MAGI3: variants seen among roughly 807,000 people sequenced by gnomAD.
MAGI3 encodes the protein membrane associated guanylate kinase, WW and PDZ domain containing 3.
MAGI3 carries 43 observed loss-of-function variants against 121.8 expected under a neutral mutation model. That is an observed-to-expected ratio of 0.35 (90% CI 0.28 to 0.46). The LOEUF is 0.46. Among genes scored for constraint, MAGI3 ranks in the 20% least tolerant of loss-of-function variants. The pLI is 1.00. For missense variants in MAGI3, 1,547 were observed against 1,797.3 expected (o/e 0.86, Z 2.52); for synonymous variants, 553 against 639.3 (o/e 0.86, Z 2.04).
At chr1:113,537,236 A>G (rs1324357399) in intron 1 of MAGI3, among the ~76,000 whole-genome samples, 3 of 152,136 alleles carry the variant, frequency 2.0e-5, no homozygotes, top group Admixed American at 6.5e-5. Context: ...CCGTTTCTCT[A>G]TGAATTTTTG....
chr1:113,664,658 C>T (rs1161464444), intron 16 of MAGI3, among the ~76,000 whole-genome samples: 1 of 152,222 alleles, frequency 6.6e-6, no homozygotes, highest in Non-Finnish European at 1.5e-5. Context: ...CATCCATCTA[C>T]TCCCACCAGC....
chr1:113,637,774 C>A (rs1438343672), intron 9 of MAGI3, among the ~76,000 whole-genome samples: 8 of 152,168 alleles, frequency 5.3e-5, no homozygotes, highest in Non-Finnish European at 7.3e-5. Context: ...TGAATGTTGG[C>A]CTGCCTTGCT....
At chr1:113,557,806 G>A (rs1004687231) in intron 2 of MAGI3, among the ~76,000 whole-genome samples, 5 of 152,128 alleles carry the variant, frequency 3.3e-5, no homozygotes, top group Admixed American at 2.0e-4. Flanking sequence ...AGGTACGTTC[G>A]GGCTGGCAGT....
At chr1:113,609,221 T>C (rs574230785) in intron 6 of MAGI3, among the ~76,000 whole-genome samples, 17 of 152,330 alleles carry the variant, frequency 1.1e-4, no homozygotes, top group African/African-American at 4.1e-4. Context: ...TTCATATTAG[T>C]ATTCTCTGCA....
intron 6 of MAGI3, among the ~76,000 whole-genome samples, chr1:113,596,249 C>T (rs1350506807): frequency 6.6e-6 from 1 of 152,120 alleles, no homozygotes; most frequent in Non-Finnish European, 1.5e-5. Context: ...AATCAATACA[C>T]ATGTATGTAG....
intron 9 of MAGI3, 151 bp downstream of exon 9, chr1:113,623,145 A>T (rs1650945175): frequency 3.7e-6 from 2 of 540,394 alleles, no homozygotes; most frequent in Non-Finnish European, 5.8e-6. Context: ...ACTTTAATTT[A>T]AAAAAAAGTT....
intron 2 of MAGI3, among the ~76,000 whole-genome samples, chr1:113,560,509 G>T (rs751986793): frequency 6.6e-6 from 1 of 152,190 alleles, no homozygotes; most frequent in Non-Finnish European, 1.5e-5. Flanking sequence ...ACCTGCTCTT[G>T]CATGATTCTT....
At chr1:113,518,121 T>C (rs1658014809) in intron 1 of MAGI3, among the ~76,000 whole-genome samples, 1 of 152,050 alleles carries the variant, frequency 6.6e-6, no homozygotes, top group Non-Finnish European at 1.5e-5. Flanking sequence ...ACCACTGACA[T>C]TGCTGACCTG....
intron 1 of MAGI3, among the ~76,000 whole-genome samples, chr1:113,399,734 C>G (rs1651302696): frequency 6.6e-6 from 1 of 151,718 alleles, no homozygotes; most frequent in Non-Finnish European, 1.5e-5. Flanking sequence ...AAAATCAATG[C>G]TGTTGATTTT....
intron 1 of MAGI3, among the ~76,000 whole-genome samples, chr1:113,489,613 T>A (rs1420944817): frequency 1.3e-5 from 2 of 152,080 alleles, no homozygotes; most frequent in Non-Finnish European, 2.9e-5. Context: ...CACGAGTATG[T>A]TGAAACCCAA....
At chr1:113,603,352 C>CCAACAA (rs58889419) in intron 6 of MAGI3, among the ~76,000 whole-genome samples, 2,292 of 150,730 alleles carry the variant, frequency 0.015, 21 homozygotes, top group Non-Finnish European at 0.025. Context: ...TTAAAAATTG[C>CCAACAA]CAACAACAAC....
At chr1:113,474,248 G>A (rs1031786814) in intron 1 of MAGI3, among the ~76,000 whole-genome samples, 4 of 152,112 alleles carry the variant, frequency 2.6e-5, no homozygotes, top group African/African-American at 7.2e-5. Flanking sequence ...CTTTTGCCAC[G>A]CAGAAGCTCT....
intron 1 of MAGI3, among the ~76,000 whole-genome samples, chr1:113,477,283 T>C (rs1042087275): frequency 1.3e-5 from 2 of 152,150 alleles, no homozygotes; most frequent in African/African-American, 4.8e-5. Context: ...TGTTCGCTGG[T>C]TTTTTTGCCT....
intron 2 of MAGI3, among the ~76,000 whole-genome samples, chr1:113,568,353 A>T (rs1660520771): frequency 6.6e-6 from 1 of 152,258 alleles, no homozygotes; most frequent in African/African-American, 2.4e-5. Flanking sequence ...GCTAAAGAAG[A>T]TCTAAATATG....
intron 2 of MAGI3, among the ~76,000 whole-genome samples, chr1:113,579,556 G>A (rs1307026715): frequency 6.6e-6 from 1 of 152,088 alleles, no homozygotes; most frequent in Non-Finnish European, 1.5e-5. Context: ...TTTAGAGAGA[G>A]ATTTTGTTTG....
At chr1:113,573,796 A>G (rs972851758) in intron 2 of MAGI3, among the ~76,000 whole-genome samples, 1 of 152,148 alleles carries the variant, frequency 6.6e-6, no homozygotes, top group Admixed American at 6.5e-5. Context: ...GTGGGGTGTT[A>G]TAGTCTCCCA....
chr1:113,488,362 C>T (rs1176777960), intron 1 of MAGI3, among the ~76,000 whole-genome samples: 11 of 152,204 alleles, frequency 7.2e-5, no homozygotes, highest in Admixed American at 7.2e-4. Flanking sequence ...TGTCAGTCCT[C>T]AACTCTGCAG....
chr1:113,444,956 A>G (rs1654098975), intron 1 of MAGI3, among the ~76,000 whole-genome samples: 1 of 152,214 alleles, frequency 6.6e-6, no homozygotes, highest in African/African-American at 2.4e-5. Context: ...CAATAATTAA[A>G]ATGAAAAATC....
intron 6 of MAGI3, among the ~76,000 whole-genome samples, chr1:113,612,146 G>A (rs1334361191): frequency 2.6e-5 from 4 of 152,162 alleles, no homozygotes; most frequent in Non-Finnish European, 5.9e-5. Flanking sequence ...GTTTCACAAT[G>A]TTGGCCAGGA....
Sources: allele counts gnomAD v4.1 joint callset (sites outside exome capture counted in the v4.1 genomes callset), GRCh38; gene constraint gnomAD v4.1.1; transcripts MANE v1.5; gene names NCBI Gene and HGNC (gene_info 2026-07-23, HGNC 2026-07-21).